ZNF358: variants seen among roughly 807,000 people sequenced by gnomAD.
ZNF358 encodes zinc finger protein 358.
ZNF358 carries 1 observed loss-of-function variant against 2.1 expected under a neutral mutation model. The ratio of observed to expected loss-of-function variants is 0.49; its 90% CI spans 0.17 to 2.30. ZNF358 has a LOEUF of 2.30. Ranked by LOEUF, ZNF358 falls within the 30% of genes most tolerant of loss-of-function variation. The pLI is 0.26. For missense variants in ZNF358, 665 were observed against 806.8 expected, an observed-to-expected ratio of 0.82 and a Z score of 2.13; for synonymous variants, 381 against 359.7, an observed-to-expected ratio of 1.06 and a Z score of -0.67.
At position 7,520,200 on chromosome 19, in the gene ZNF358, C is replaced by A. The variant is rs2146014806; in HGVS notation, c.958C>A (p.Arg320Ser). 1.2e-6 allele frequency: 2 copies of A among 1,604,510 alleles called. No individual in the cohort carries two copies. Among genetic ancestry groups the A allele is most frequent in the South Asian group, 2.2e-5 (2 of 91,054 alleles). The change falls in exon 2 of 2, where the codon CGC becomes AGC. Residue 320 changes from arginine to serine, a missense_variant. Arg to Ser is a moderately radical substitution (Grantham distance 110, BLOSUM62 -1). Around this residue, in one of 3 missense-constraint regions of ZNF358, gnomAD observed 210 missense variants for 350.8 expected, o/e 0.60. Transcript: ENST00000597229. The surrounding 1 kb of genome is among the most constrained non-coding windows in gnomAD (Gnocchi z 6.0). ...CACACACACGGCCGAGCGCCCCTAC[C>A]GCTGCCCCCACTGCGGCAAAGCCTT... Reference protein sequence around the residue: ...QRTHTAERPYRCPHCGKAFGQ... With the variant: ...QRTHTAERPYSCPHCGKAFGQ...
At chr19:7,518,585 A>AAGAAAGAAAGAAAGAG (rs2022391586) in intron 1 of ZNF358, among the ~76,000 whole-genome samples, 1 of 149,520 alleles carries the variant, frequency 6.7e-6, no homozygotes, top group African/African-American at 2.5e-5. Context: ...GAAAGAAAGA[A>AAGAAAGAAAGAAAGAG]AGAAAGAAAG....
In ZNF358 at chr19:7,516,685, C is replaced by T. The variant is rs972462143; in HGVS notation, c.-39+436C>T. On this transcript the variant is annotated intron_variant, in intron 1 of 1. Transcript: ENST00000597229. The surrounding 1 kb of genome is among the most constrained non-coding windows in gnomAD (Gnocchi z 5.9). ...AAGGGGGACCTAGGGGTTCCCTCTTCCCCCAGGACCCTAGGAAGGGTCCCA... is the reference window on the plus strand; with the variant it reads ...AAGGGGGACCTAGGGGTTCCCTCTTTCCCCAGGACCCTAGGAAGGGTCCCA... 6.6e-6 allele frequency among the ~76,000 whole-genome samples: 1 copy of T among 151,958 alleles called. No homozygotes were observed. The highest frequency in any genetic ancestry group is 1.5e-5 in the Non-Finnish European group (1 of 67,892).
intron 1 of ZNF358, among the ~76,000 whole-genome samples, chr19:7,518,163 C>A: frequency 6.6e-6 from 1 of 152,200 alleles, no homozygotes; most frequent in East Asian, 1.9e-4. Flanking sequence ...ACCTCTAGTG[C>A]TGGGTCTCAT....
chr19:7,518,587 G>GAA (rs902923723), intron 1 of ZNF358, among the ~76,000 whole-genome samples: 1 of 149,832 alleles, frequency 6.7e-6, no homozygotes, highest in African/African-American at 2.5e-5. Flanking sequence ...AAGAAAGAAA[G>GAA]AAAGAAAGAA....
chr19:7,514,325 G>A (rs767025734), upstream of ZNF358, among the ~76,000 whole-genome samples: 56 of 152,292 alleles, frequency 3.7e-4, no homozygotes, highest in Non-Finnish European at 6.2e-4. Flanking sequence ...CCCCACAAAG[G>A]AAAAGAAAGT....
chr19:7,520,470 G>A lies in ZNF358; in HGVS notation c.1228G>A (p.Ala410Thr). Reference sequence around the variant, plus strand: ...CGCTGCTGCAGCTGCCGCGGCCGCTGCAGCTGCAGCAGCGGCCGCCGGCCT... The same window carrying A: ...CGCTGCTGCAGCTGCCGCGGCCGCTACAGCTGCAGCAGCGGCCGCCGGCCT... ...AAAAAAAAAA[A>T]AAAAAAGLGL... is the part of the protein sequence containing the mutation. Residue 410 changes from alanine (A) to threonine (T), a missense_variant, in exon 2 of 2, where the codon GCA becomes ACA. Around this residue, in one of 3 missense-constraint regions of ZNF358, gnomAD observed 249 missense variants for 227.6 expected, o/e 1.09. Coordinates refer to ENST00000597229, the MANE Select transcript of ZNF358 (RefSeq NM_018083.5). The surrounding 1 kb of genome is among the most constrained non-coding windows in gnomAD (Gnocchi z 6.0). The A allele has an allele frequency of 9.8e-7, 1 of 1,015,596 alleles. No individual in the cohort carries two copies. Among genetic ancestry groups the A allele is most frequent in the Non-Finnish European group, 1.4e-6 (1 of 734,022 alleles). The allele number at this position is 1,015,596 out of a possible 1,614,324, so 62.9% of individuals were successfully genotyped here. A position where few individuals can be genotyped will look rare whatever the true frequency, so the allele number is the denominator to read the frequency against.
Position 7,520,687 on chromosome 19 carries a change from C to G in ZNF358, c.1445C>G (p.Ser482Cys). 1 of 1,613,552 alleles carries G rather than the reference C, an allele frequency of 6.2e-7. No homozygotes were observed. Residue 482 changes from serine to cysteine, a missense_variant, in exon 2 of 2, where the codon TCC becomes TGC. Coordinates refer to ENST00000597229, the MANE Select transcript of ZNF358 (RefSeq NM_018083.5). The surrounding 1 kb of genome is among the most constrained non-coding windows in gnomAD (Gnocchi z 6.0). ...CCCAGCTCCAAACCCCTCCCCGGCTCCAGATCCACCCCCAGCCCTACTCCT... is the reference window on the plus strand; with the variant it reads ...CCCAGCTCCAAACCCCTCCCCGGCTGCAGATCCACCCCCAGCCCTACTCCT... ...PDPSSKPLPG[S>C]RSTPSPTPVE...
Position 7,519,412 on chromosome 19 carries a change from T to C in ZNF358, c.170T>C (p.Val57Ala), listed in dbSNP as rs770934118. Residue 57 changes from valine to alanine, a missense_variant, in exon 2 of 2, where the codon GTG becomes GCG. Physicochemically the swap from Val to Ala is moderately conservative, Grantham distance 64. This residue lies in a region of ZNF358 where 206 missense variants were observed against 228.4 expected (regional missense o/e 0.90). Transcript: ENST00000597229. Reference protein sequence around the residue: ...PEDLNTVPEDVDPSYEDLEPV... With the variant: ...PEDLNTVPEDADPSYEDLEPV... ...GACCTCAACACTGTCCCGGAAGACGTGGACCCCAGCTATGAAGATCTGGAG... is the reference window on the plus strand; with the variant it reads ...GACCTCAACACTGTCCCGGAAGACGCGGACCCCAGCTATGAAGATCTGGAG... The C allele has an allele frequency of 1.2e-6, 2 of 1,614,064 alleles. No homozygotes were observed. The highest frequency in any genetic ancestry group is 2.2e-5 in the South Asian group (2 of 91,072).
upstream of ZNF358, among the ~76,000 whole-genome samples, chr19:7,515,687 C>A (rs1274686437): frequency 6.6e-6 from 1 of 151,730 alleles, no homozygotes; most frequent in Non-Finnish European, 1.5e-5. Flanking sequence ...CAGACAGACA[C>A]AGAGAGAGAT....
chr19:7,517,845 C>T (rs529721650), intron 1 of ZNF358, among the ~76,000 whole-genome samples: 3 of 152,088 alleles, frequency 2.0e-5, no homozygotes, highest in South Asian at 4.1e-4. Context: ...GGGAGGGATA[C>T]CTGATGTTAT....
Position 7,519,297 on chromosome 19 carries a change from T to C in ZNF358, c.55T>C (p.Tyr19His). The change falls in exon 2 of 2, where the codon TAT (tyrosine) becomes CAT (histidine). Residue 19 changes from tyrosine (Y) to histidine (H), a missense_variant. Tyr to His is a moderately conservative substitution (Grantham distance 83). Around this residue, in one of 3 missense-constraint regions of ZNF358, gnomAD observed 206 missense variants for 228.4 expected, o/e 0.90. Transcript: ENST00000597229. ...NPGHKGLRPV[Y>H]EELDSDSEDL... ...AGGCCACAAAGGCCTGAGACCCGTT[T>C]ATGAAGAGCTCGACTCTGACTCCGA... 1 of 1,614,076 alleles carries C rather than the reference T, an allele frequency of 6.2e-7. No individual in the cohort carries two copies. Among genetic ancestry groups the C allele is most frequent in the South Asian group, 1.1e-5 (1 of 91,078 alleles).
intron 1 of ZNF358, among the ~76,000 whole-genome samples, chr19:7,518,559 G>GA (rs143376542): frequency 2.3e-5 from 3 of 129,690 alleles, no homozygotes; most frequent in African/African-American, 9.0e-5. Context: ...GAGAGAGAGA[G>GA]AAAGAAAGAA....
chr19:7,519,051 C>G (rs893415337), intron 1 of ZNF358, among the ~76,000 whole-genome samples, 154 bp from the exon 2 acceptor site: 3 of 118,176 alleles, frequency 2.5e-5, no homozygotes, highest in Admixed American at 1.1e-4. Context: ...GGCAACAGAA[C>G]GAGACCCCAT....
chr19:7,517,338 G>A lies in ZNF358; in HGVS notation c.-39+1089G>A, dbSNP rs371910110. Among the ~76,000 whole-genome samples, 22 of 152,128 alleles carry A rather than the reference G, an allele frequency of 1.4e-4. No individual in the cohort carries two copies. The East Asian group carries it at 2.5e-3, about 17-fold the overall frequency. On this transcript the variant is annotated intron_variant, in intron 1 of 1. Coordinates refer to ENST00000597229, the MANE Select transcript of ZNF358 (RefSeq NM_018083.5). ...AGCCATGGGAGGAGATGACTCAGGCGTTCCCCCATTAACTTCAGAGGGTCC... is the reference window on the plus strand; with the variant it reads ...AGCCATGGGAGGAGATGACTCAGGCATTCCCCCATTAACTTCAGAGGGTCC...
In ZNF358 at chr19:7,520,382, C is replaced by T. The variant is rs1250875408; in HGVS notation, c.1140C>T (p.Cys380=). The T allele has an allele frequency of 1.2e-6, 2 of 1,608,826 alleles. No homozygotes were observed. The highest frequency in any genetic ancestry group is 1.7e-6 in the Non-Finnish European group (2 of 1,177,720). Residue 380 remains cysteine, a synonymous_variant, in exon 2 of 2, where the codon TGC becomes TGT. Transcript: ENST00000597229. The surrounding 1 kb of genome is among the most constrained non-coding windows in gnomAD (Gnocchi z 6.0). ...AGCGTCCCTATCGCTGTCAGCTCTGCGGGAAGGCCTTCGGCCAGGCCTCCA... is the reference window on the plus strand; with the variant it reads ...AGCGTCCCTATCGCTGTCAGCTCTGTGGGAAGGCCTTCGGCCAGGCCTCCA... ...SGERPYRCQL[C]GKAFGQASSL...
In ZNF358 at chr19:7,520,430, G is replaced by T. The variant is rs752017987; in HGVS notation, c.1188G>T (p.Val396=). The T allele has an allele frequency of 3.1e-6, 5 of 1,603,348 alleles. No individual in the cohort carries two copies. The highest frequency in any genetic ancestry group is 3.4e-6 in the Non-Finnish European group (4 of 1,176,322). Residue 396 remains valine, a synonymous_variant, in exon 2 of 2, where the codon GTG becomes GTT. Coordinates refer to ENST00000597229, the MANE Select transcript of ZNF358 (RefSeq NM_018083.5). This position sits in a 1 kb window ranked among gnomAD's most constrained non-coding sequence, Gnocchi z 6.0. ...QASSLTKHKR[V]HEGAAAAAAA... ...CCAGCCTCACCAAGCACAAACGGGT[G>T]CATGAGGGTGCAGCCGCTGCTGCAG...
chr19:7,515,054 T>C (rs773380168), upstream of ZNF358, among the ~76,000 whole-genome samples: 5 of 152,122 alleles, frequency 3.3e-5, no homozygotes, highest in Non-Finnish European at 7.4e-5. Context: ...TGGGTTGGAA[T>C]TGTCGTCGGT....
rs1003025975 is a variant in ZNF358, at chr19:7,519,291, C to A, written c.49C>A (p.Pro17Thr). Residue 17 changes from proline (P) to threonine (T), a missense_variant, in exon 2 of 2, where the codon CCC (proline) becomes ACC (threonine). By Grantham distance (38) the Pro-to-Thr change is conservative. Coordinates refer to ENST00000597229, the MANE Select transcript of ZNF358 (RefSeq NM_018083.5). Reference protein sequence around the residue: ...VRNPGHKGLRPVYEELDSDSE... With the variant: ...VRNPGHKGLRTVYEELDSDSE... Reference sequence around the variant, plus strand: ...GAACCCAGGCCACAAAGGCCTGAGACCCGTTTATGAAGAGCTCGACTCTGA... The same window carrying A: ...GAACCCAGGCCACAAAGGCCTGAGAACCGTTTATGAAGAGCTCGACTCTGA... 11 of 1,613,918 alleles carry A rather than the reference C, an allele frequency of 6.8e-6. No homozygotes were observed. In the Admixed American group the frequency reaches 1.5e-4, roughly 22 times the overall value.
At position 7,520,743 on chromosome 19, in the gene ZNF358, G is replaced by A. The variant is rs746111738; in HGVS notation, c.1501G>A (p.Asp501Asn). The A allele has an allele frequency of 2.5e-6, 4 of 1,613,872 alleles. No homozygotes were observed. In the East Asian group the frequency reaches 8.9e-5, roughly 36 times the overall value. The change falls in exon 2 of 2, where the codon GAC (aspartate) becomes AAC (asparagine). Residue 501 changes from aspartate to asparagine, a missense_variant. Coordinates refer to ENST00000597229, the MANE Select transcript of ZNF358 (RefSeq NM_018083.5). This position sits in a 1 kb window ranked among gnomAD's most constrained non-coding sequence, Gnocchi z 6.0. ...ATCTTCTGACCCAAAGGCTGGGCAC[G>A]ACGCTGGTCCCGACCTTGTGCCCAG... ...VESSDPKAGH[D>N]AGPDLVPSPD...
Sources: gnomAD v4.1 joint callset for allele counts (sites outside exome capture counted in the v4.1 genomes callset) on GRCh38, gnomAD v4.1.1 for gene constraint, gnomAD v4.1.1 regional missense constraint, Gnocchi (gnomAD v3.1) non-coding constraint, MANE v1.5 for transcripts, NCBI Gene and HGNC (gene_info 2026-07-23, HGNC 2026-07-21) for gene names.